DGKI: variants seen among roughly 807,000 people sequenced by gnomAD.
DGKI encodes DAG kinase iota.
DGKI carries 55 observed loss-of-function variants against 147.5 expected under a neutral mutation model. That is an observed-to-expected ratio of 0.37 (90% confidence interval 0.30 to 0.47). The LOEUF (loss-of-function observed/expected upper bound fraction) is 0.47, where lower values mean the gene tolerates loss of function less well. Ranked by LOEUF, DGKI falls within the 20% of genes least tolerant of loss-of-function variation. The pLI is 1.00. For synonymous variants in DGKI, 469 were observed against 477.1 expected (o/e 0.98, Z 0.22); for missense variants, 1,007 against 1,323.8 (o/e 0.76, Z 3.71).
chr7:137,844,297 A>G (rs926903787), intron 1 of DGKI, among the ~76,000 whole-genome samples: 6 of 152,186 alleles, frequency 3.9e-5, no homozygotes, highest in Admixed American at 3.9e-4. Context: ...CCTTTTCACC[A>G]TCTTTCCTCT....
At chr7:137,607,808 G>T (rs1418292301) in intron 10 of DGKI, among the ~76,000 whole-genome samples, 3 of 152,104 alleles carry the variant, frequency 2.0e-5, no homozygotes, top group African/African-American at 7.2e-5. Flanking sequence ...TCTTAGAATT[G>T]CCATCATTAC....
At chr7:137,478,426 G>A (rs1241753790) in intron 23 of DGKI, among the ~76,000 whole-genome samples, 4 of 152,070 alleles carry the variant, frequency 2.6e-5, no homozygotes, top group Non-Finnish European at 5.9e-5. Flanking sequence ...CCTTTCTCTT[G>A]TACTTCAAAA....
chr7:137,487,726 T>A, intron 21 of DGKI, 37 bp from the exon 22 acceptor site: 2 of 1,575,006 alleles, frequency 1.3e-6, no homozygotes, highest in Non-Finnish European at 1.7e-6. Context: ...TAAAATAACA[T>A]ATTTGATTTT....
At position 137,383,880 on chromosome 7, in the gene DGKI, T is replaced by C. The variant is rs1367738647; in HGVS notation, c.*7340A>G. On this transcript the variant is annotated 3_prime_UTR_variant, in exon 33 of 33. Transcript: ENST00000614521. ...TTCTTTCCAGATCAAACATCCTCCT[T>C]CTACATATTCACCAATCTGCCCATA... is the stretch of plus-strand genomic sequence containing the variant. The C allele has an allele frequency of 1.3e-5, 2 of 152,048 alleles. No individual in the cohort carries two copies. Among genetic ancestry groups the C allele is most frequent in the East Asian group, 1.9e-4 (1 of 5,190 alleles). 9.4% of individuals were successfully genotyped at this position (152,048 alleles called of 1,614,324 possible).
At chr7:137,572,274 A>T (rs1818819561) in intron 18 of DGKI, among the ~76,000 whole-genome samples, 1 of 152,234 alleles carries the variant, frequency 6.6e-6, no homozygotes. Context: ...TGAAGTGCGT[A>T]ATAGCACCAT....
At chr7:137,606,472 C>T (rs537837872) in intron 10 of DGKI, among the ~76,000 whole-genome samples, 1 of 152,244 alleles carries the variant, frequency 6.6e-6, no homozygotes, top group South Asian at 2.1e-4. Context: ...TCACAGTAAG[C>T]CCCTGCTAAC....
At chr7:137,612,506 T>C (rs1005967055) in intron 8 of DGKI, among the ~76,000 whole-genome samples, 2 of 152,074 alleles carry the variant, frequency 1.3e-5, no homozygotes, top group African/African-American at 2.4e-5. Context: ...TATCTCTATT[T>C]TGTATAAATA....
At chr7:137,810,040 T>TCAGC (rs1797515180) in intron 1 of DGKI, among the ~76,000 whole-genome samples, 3 of 152,204 alleles carry the variant, frequency 2.0e-5, no homozygotes, top group Admixed American at 6.5e-5. Flanking sequence ...CTCATATATT[T>TCAGC]CTGTTTGCTG....
chr7:137,393,053 A>G (rs908235426), intron 32 of DGKI, among the ~76,000 whole-genome samples: 10 of 152,214 alleles, frequency 6.6e-5, no homozygotes, highest in African/African-American at 2.4e-4. Context: ...GTTAAAAACA[A>G]CAAGAGAGAA....
chr7:137,470,934 C>G (rs1022363235), intron 23 of DGKI, among the ~76,000 whole-genome samples: 3 of 152,152 alleles, frequency 2.0e-5, no homozygotes, highest in African/African-American at 7.2e-5. Flanking sequence ...TCCCAAACTT[C>G]CTTGAAGTCT....
intron 12 of DGKI, among the ~76,000 whole-genome samples, chr7:137,594,058 C>A (rs564556172): frequency 6.6e-6 from 1 of 152,138 alleles, no homozygotes; most frequent in Non-Finnish European, 1.5e-5. Flanking sequence ...ATATTTTTTT[C>A]TTTCTTGAGA....
chr7:137,394,768 G>C (rs73730608), intron 32 of DGKI, among the ~76,000 whole-genome samples: 89 of 152,280 alleles, frequency 5.8e-4, no homozygotes, highest in African/African-American at 2.1e-3. Context: ...CACATTTCAA[G>C]CCAAGTGCCA....
chr7:137,576,687 G>T (rs1161206330), intron 17 of DGKI, among the ~76,000 whole-genome samples: 10 of 152,096 alleles, frequency 6.6e-5, no homozygotes, highest in African/African-American at 2.2e-4. Flanking sequence ...TCCATCTAGT[G>T]GTGAGGAACC....
At chr7:137,413,705 T>C (rs1308675675) in intron 28 of DGKI, among the ~76,000 whole-genome samples, 1 of 152,182 alleles carries the variant, frequency 6.6e-6, no homozygotes, top group African/African-American at 2.4e-5. Context: ...CTATGTTGAT[T>C]CCAGGTCTTT....
intron 31 of DGKI, 52 bp from the exon 32 acceptor site, chr7:137,395,749 G>A: frequency 6.4e-7 from 1 of 1,556,564 alleles, no homozygotes; most frequent in Non-Finnish European, 8.9e-7. Flanking sequence ...GGAGGCAGCA[G>A]GGAATGGGTG....
chr7:137,617,319 A>C (rs981854588), intron 8 of DGKI, among the ~76,000 whole-genome samples: 21 of 152,022 alleles, frequency 1.4e-4, no homozygotes, highest in African/African-American at 5.1e-4. Context: ...GTGGCCTGAC[A>C]AATAACAGGG....
At chr7:137,550,169 T>G (rs867546497) in intron 20 of DGKI, among the ~76,000 whole-genome samples, 9,712 of 142,926 alleles carry the variant, frequency 0.068, 784 homozygotes, top group African/African-American at 0.22. Flanking sequence ...TTGTTTGAGT[T>G]TTTTTTTTTT....
At chr7:137,697,968 C>CTA (rs1212086806) in intron 1 of DGKI, among the ~76,000 whole-genome samples, 3 of 150,302 alleles carry the variant, frequency 2.0e-5, no homozygotes, top group African/African-American at 4.9e-5. Context: ...CTGGAGATAG[C>CTA]TATATATATA....
chr7:137,648,876 T>G (rs7789901), intron 5 of DGKI, among the ~76,000 whole-genome samples: 15,915 of 152,172 alleles, frequency 0.1, 2,377 homozygotes, highest in African/African-American at 0.34. Context: ...TAAATATTAC[T>G]CTCTATGGCT....
Sources: allele counts gnomAD v4.1 joint callset (sites outside exome capture counted in the v4.1 genomes callset), GRCh38; gene constraint gnomAD v4.1.1; transcripts MANE v1.5; gene names NCBI Gene and HGNC (gene_info 2026-07-23, HGNC 2026-07-21).